Variants in ELOVL6 observed in about 807,000 individuals in gnomAD.
ELOVL6 encodes the protein ELOVL fatty acid elongase 6.
In ELOVL6, 8 loss-of-function variants were observed where a neutral mutation model predicts 31.7. The ratio of observed to expected loss-of-function variants is 0.25; its 90% CI spans 0.15 to 0.45. The LOEUF is 0.45. ELOVL6 is among the 20% of genes least tolerant of loss of function. The probability of loss-of-function intolerance (pLI) is 1.00; values close to 1 mark genes in which losing one functional copy is unlikely to be tolerated. For synonymous variants in ELOVL6, 101 were observed against 117.7 expected, an observed-to-expected ratio of 0.86 and a Z score of 0.92; for missense variants, 126 against 326.4, an observed-to-expected ratio of 0.39 and a Z score of 4.73.
chr4:110,087,734 C>G (rs1470255311), intron 2 of ELOVL6, among the ~76,000 whole-genome samples: 1 of 150,902 alleles, frequency 6.6e-6, no homozygotes, highest in Admixed American at 6.6e-5. Flanking sequence ...GATCAAGAAA[C>G]ATTTAAAACT....
At chr4:110,082,942 A>ATCAG (rs1004926241) in intron 2 of ELOVL6, among the ~76,000 whole-genome samples, 2 of 151,902 alleles carry the variant, frequency 1.3e-5, no homozygotes, top group Non-Finnish European at 2.9e-5. Flanking sequence ...ACTTGTAAGT[A>ATCAG]TCAGAACTAG....
chr4:110,113,237 A>T (rs1757086279), intron 1 of ELOVL6, among the ~76,000 whole-genome samples: 1 of 148,884 alleles, frequency 6.7e-6, no homozygotes, highest in Non-Finnish European at 1.5e-5. Context: ...CAAAAAAAAA[A>T]AAAAAAAGAG....
intron 2 of ELOVL6, among the ~76,000 whole-genome samples, chr4:110,086,264 T>A (rs988456683): frequency 1.3e-5 from 2 of 152,194 alleles, no homozygotes; most frequent in African/African-American, 4.8e-5. Flanking sequence ...TATGTGCCCA[T>A]AGGTAAATTT....
intron 2 of ELOVL6, among the ~76,000 whole-genome samples, chr4:110,076,559 C>T (rs1170596268): frequency 1.3e-5 from 2 of 152,014 alleles, no homozygotes; most frequent in Non-Finnish European, 2.9e-5. Context: ...AAATATATAC[C>T]CTCTAGGTTT....
At chr4:110,179,105 T>A (rs960057897) in intron 1 of ELOVL6, among the ~76,000 whole-genome samples, 9 of 146,480 alleles carry the variant, frequency 6.1e-5, no homozygotes, top group South Asian at 2.2e-4. Flanking sequence ...GTAAAATCTT[T>A]AAAAAAAAAA....
At chr4:110,091,926 C>A (rs1756438209) in intron 2 of ELOVL6, among the ~76,000 whole-genome samples, 1 of 152,144 alleles carries the variant, frequency 6.6e-6, no homozygotes. Context: ...AATCCCAGGG[C>A]TCTGGAAACT....
In ELOVL6 at chr4:110,092,992, C is replaced by T. The variant is rs78564541; in HGVS notation, c.221+12505G>A. Reference sequence around the variant, plus strand: ...AAGTATATTACATCCTAAACTAACACGCAATCTCTTCTAGAATGCTCATTT... The same window carrying T: ...AAGTATATTACATCCTAAACTAACATGCAATCTCTTCTAGAATGCTCATTT... On this transcript the variant is annotated intron_variant, in intron 2 of 3. Transcript: ENST00000302274. The T allele has an allele frequency of 6.9e-3, 2,201 of 320,802 alleles. 51 individuals carry two copies. Among genetic ancestry groups the T allele is most frequent in the African/African-American group, 0.044 (2,039 of 45,928 alleles). The allele number at this position is 320,802 out of a possible 1,614,324, so 19.9% of individuals were successfully genotyped here. A position where few individuals can be genotyped will look rare whatever the true frequency, so the allele number is the denominator to read the frequency against.
chr4:110,069,404 G>C (rs937809087), intron 2 of ELOVL6, among the ~76,000 whole-genome samples: 23 of 151,898 alleles, frequency 1.5e-4, no homozygotes, highest in African/African-American at 4.6e-4. Context: ...AGAGAGAAAG[G>C]CAGTTACTGC....
chr4:110,081,070 C>A (rs1755829449), intron 2 of ELOVL6, among the ~76,000 whole-genome samples: 1 of 152,118 alleles, frequency 6.6e-6, no homozygotes, highest in Admixed American at 6.6e-5. Flanking sequence ...GAACTACAAA[C>A]CACTGCTCAA....
At chr4:110,199,112 G>C (rs3813830), upstream of ELOVL6, 1 of 150,702 alleles carries the variant, frequency 6.6e-6, no homozygotes. Context: ...AGGCCCTGCG[G>C]ACGGCAGAGC....
chr4:110,053,103 TA>T (rs1372715775), intron 3 of ELOVL6, among the ~76,000 whole-genome samples: 2 of 152,154 alleles, frequency 1.3e-5, no homozygotes, highest in African/African-American at 4.8e-5. Context: ...CCAGCTAATT[TA>T]AAAAAACTTT....
chr4:110,081,453 T>A (rs1043759464), intron 2 of ELOVL6, among the ~76,000 whole-genome samples: 9 of 152,104 alleles, frequency 5.9e-5, no homozygotes, highest in African/African-American at 2.2e-4. Flanking sequence ...TCTACAACCA[T>A]CTGATATTTG....
At chr4:110,197,000 C>T (rs1259039475) in intron 1 of ELOVL6, among the ~76,000 whole-genome samples, 2 of 152,214 alleles carry the variant, frequency 1.3e-5, no homozygotes, top group Non-Finnish European at 2.9e-5. Flanking sequence ...GGCACCAGCT[C>T]CTACTGCACC....
chr4:110,195,364 C>T (rs757999241), intron 1 of ELOVL6, among the ~76,000 whole-genome samples: 5 of 152,040 alleles, frequency 3.3e-5, no homozygotes, highest in Non-Finnish European at 5.9e-5. Flanking sequence ...AGGTAATCCA[C>T]CCACCTCAGC....
intron 2 of ELOVL6, among the ~76,000 whole-genome samples, chr4:110,065,629 GACA>G (rs1209084589): frequency 4.6e-5 from 7 of 152,016 alleles, no homozygotes; most frequent in Non-Finnish European, 7.4e-5. Flanking sequence ...TTCTCAAAAC[GACA>G]ACAACAGCAA....
intron 1 of ELOVL6, among the ~76,000 whole-genome samples, chr4:110,168,454 G>A (rs28664848): frequency 0.026 from 3,887 of 152,180 alleles, 63 homozygotes; most frequent in South Asian, 0.053. Context: ...AGGAGGCAGA[G>A]GCTGCTGTGA....
intron 1 of ELOVL6, among the ~76,000 whole-genome samples, chr4:110,107,027 T>C (rs1177382679): frequency 1.3e-5 from 2 of 152,154 alleles, no homozygotes; most frequent in Admixed American, 6.6e-5. Flanking sequence ...AAGGAAAGGG[T>C]TGAGAAATAA....
At chr4:110,190,912 A>ATGCAACCTCCGCCTCCG (rs1560865435) in intron 1 of ELOVL6, among the ~76,000 whole-genome samples, 1 of 151,308 alleles carries the variant, frequency 6.6e-6, no homozygotes. Flanking sequence ...CTCCGCCTCC[A>ATGCAACCTCCGCCTCCG]GGTTCATGCC....
chr4:110,047,866 G>A lies in ELOVL6; in HGVS notation c.*3472C>T, dbSNP rs1394412944. The A allele has an allele frequency of 1.5e-5, 2 of 131,760 alleles. No individual in the cohort carries two copies. Among genetic ancestry groups the A allele is most frequent in the South Asian group, 2.4e-4 (1 of 4,146 alleles). The allele number at this position is 131,760 out of a possible 1,614,324, so 8.2% of individuals were successfully genotyped here. A position where few individuals can be genotyped will look rare whatever the true frequency, so the allele number is the denominator to read the frequency against. On this transcript the variant is annotated 3_prime_UTR_variant, in exon 4 of 4. Transcript: ENST00000302274. ...GATCGCGCCACTGCACTCCAGCCTG[G>A]GCAACAACAGCAAGAATCCACCTCA...
Sources: allele counts gnomAD v4.1 joint callset (sites outside exome capture counted in the v4.1 genomes callset), GRCh38; gene constraint gnomAD v4.1.1; transcripts MANE v1.5; gene names NCBI Gene and HGNC (gene_info 2026-07-23, HGNC 2026-07-21).